The following CABLES1 variants were observed in gnomAD, a reference collection of about 807,000 sequenced individuals.
The protein encoded by CABLES1 is CDK5 and ABL1 enzyme substrate 1.
CABLES1 carries 36 observed loss-of-function variants against 57.8 expected under a neutral mutation model. That is an observed-to-expected ratio of 0.62 (90% CI 0.48 to 0.82). The LOEUF is 0.82. CABLES1 is among the 40% of genes least tolerant of loss of function. The probability of loss-of-function intolerance (pLI) is 0.00; values close to 1 mark genes in which losing one functional copy is unlikely to be tolerated. For missense variants in CABLES1, 767 were observed against 836.6 expected (o/e 0.92, Z 1.03); for synonymous variants, 374 against 363.0 (o/e 1.03, Z -0.35).
At chr18:23,190,146 A>C (rs1300942456) in intron 2 of CABLES1, among the ~76,000 whole-genome samples, 1 of 152,226 alleles carries the variant, frequency 6.6e-6, no homozygotes, top group East Asian at 1.9e-4. Context: ...GGAGTCATAC[A>C]GAAAGCTACG....
chr18:23,207,264 G>A (rs2047370788), intron 3 of CABLES1, among the ~76,000 whole-genome samples: 1 of 152,212 alleles, frequency 6.6e-6, no homozygotes, highest in Admixed American at 6.5e-5. Context: ...GTGAGTCAGG[G>A]GTGTTGGTCA....
intron 7 of CABLES1, among the ~76,000 whole-genome samples, chr18:23,248,533 TTTTTTAA>T (rs1463909083): frequency 7.3e-6 from 1 of 137,110 alleles, no homozygotes; most frequent in African/African-American, 2.7e-5. Context: ...TTTTTTTTTT[TTTTTTAA>T]AAAAAGGCTG....
rs115657779 is a variant in CABLES1 at position 23,246,683 on chromosome 18, A to G, written c.1447-6277A>G. ...TGGGATTATATGCTTGAGCCACCGC[A>G]CCCGGCCAGTTTTTTCGTTTTTGTT... is the stretch of plus-strand genomic sequence containing the variant. On this transcript the variant is annotated intron_variant, in intron 7 of 9. Transcript: ENST00000256925. Among the ~76,000 whole-genome samples, 1,041 of 151,284 alleles carry G rather than the reference A, an allele frequency of 6.9e-3. 23 individuals are homozygous for G. The highest frequency in any genetic ancestry group is 0.06 in the South Asian group (288 of 4,786).
At chr18:23,202,213 T>A (rs1337892625) in intron 3 of CABLES1, among the ~76,000 whole-genome samples, 1 of 152,170 alleles carries the variant, frequency 6.6e-6, no homozygotes, top group African/African-American at 2.4e-5. Context: ...AAGTCAGGGG[T>A]GGGCATTGCG....
chr18:23,174,254 T>A (rs778344969), intron 1 of CABLES1, among the ~76,000 whole-genome samples: 41 of 152,232 alleles, frequency 2.7e-4, no homozygotes, highest in Non-Finnish European at 4.8e-4. Flanking sequence ...CATAATGTTT[T>A]CAAGGTTCAT....
intron 7 of CABLES1, among the ~76,000 whole-genome samples, chr18:23,249,301 T>C (rs2047980796): frequency 6.6e-6 from 1 of 152,114 alleles, no homozygotes; most frequent in Admixed American, 6.5e-5. Context: ...GGAGGTTGGA[T>C]GTTCAGATAA....
chr18:23,177,736 C>T (rs2144999918), intron 1 of CABLES1, among the ~76,000 whole-genome samples: 1 of 152,286 alleles, frequency 6.6e-6, no homozygotes, highest in Middle Eastern at 3.4e-3. Flanking sequence ...CATGGCCTGC[C>T]TGCTCCCTCT....
intron 7 of CABLES1, among the ~76,000 whole-genome samples, chr18:23,239,140 G>A (rs975872743): frequency 2.0e-5 from 3 of 152,230 alleles, no homozygotes; most frequent in African/African-American, 4.8e-5. Context: ...CGCAGTATGT[G>A]TGTATGTGCG....
In CABLES1 at chr18:23,234,641, T is replaced by G; in HGVS notation, c.1122T>G (p.Thr374=). Residue 374 remains threonine, a synonymous_variant, in exon 5 of 10, where the codon ACT becomes ACG. Coordinates refer to ENST00000256925, the MANE Select transcript of CABLES1 (RefSeq NM_001100619.3). Reference sequence around the variant, plus strand: ...AGTTGGACGGAGGAAGACAATCAACTGGTGCAGTGAGTTTGAAAGAGATCA... The same window carrying G: ...AGTTGGACGGAGGAAGACAATCAACGGGTGCAGTGAGTTTGAAAGAGATCA... ...DLKLDGGRQS[T]GAVSLKEIIG... 6.2e-7 allele frequency: 1 copy of G among 1,613,940 alleles called. No homozygotes were observed. The highest frequency in any genetic ancestry group is 1.1e-5 in the South Asian group (1 of 91,072).
At chr18:23,225,682 C>T (rs1188644651) in intron 4 of CABLES1, among the ~76,000 whole-genome samples, 3 of 152,190 alleles carry the variant, frequency 2.0e-5, no homozygotes, top group Admixed American at 6.5e-5. Flanking sequence ...GCTCCTTTTT[C>T]CTCAACTAAC....
chr18:23,226,911 G>A (rs1003964460), intron 4 of CABLES1: 3 of 152,174 alleles, frequency 2.0e-5, no homozygotes, highest in Non-Finnish European at 2.9e-5. Flanking sequence ...TGTGATGTGT[G>A]TGTAGGTTCA....
intron 7 of CABLES1, among the ~76,000 whole-genome samples, chr18:23,241,047 C>T (rs1007031389): frequency 1.3e-5 from 2 of 152,222 alleles, no homozygotes; most frequent in Non-Finnish European, 2.9e-5. Flanking sequence ...CCATTCTTCC[C>T]ATCCCCTTCC....
intron 7 of CABLES1, among the ~76,000 whole-genome samples, chr18:23,248,832 AAAG>A (rs1313239079): frequency 4.6e-5 from 7 of 152,212 alleles, no homozygotes; most frequent in African/African-American, 7.2e-5. Flanking sequence ...TCTCAACAAA[AAAG>A]AAGAAGAAAG....
chr18:23,253,953 C>T lies in CABLES1; in HGVS notation c.1761+17C>T, dbSNP rs760086892. On this transcript the variant is annotated intron_variant, in intron 9 of 9. Coordinates refer to ENST00000256925, the MANE Select transcript of CABLES1 (RefSeq NM_001100619.3). ...TTAATTGACGTAAGTAGCCTTTTTC[C>T]TGGTGGCTGGAGGAGCACATGCTCC... 1.2e-6 allele frequency: 2 copies of T among 1,610,324 alleles called. No homozygotes were observed. The highest frequency in any genetic ancestry group is 3.3e-5 in the Admixed American group (2 of 60,016).
intron 4 of CABLES1, among the ~76,000 whole-genome samples, chr18:23,226,604 A>G (rs774498930): frequency 6.6e-6 from 1 of 152,162 alleles, no homozygotes; most frequent in Non-Finnish European, 1.5e-5. Flanking sequence ...CACTTACTGC[A>G]TCAATGAAAA....
intron 1 of CABLES1, chr18:23,155,971 G>T (rs749307141): frequency 2.5e-6 from 4 of 1,614,048 alleles, no homozygotes; most frequent in Admixed American, 1.7e-5. Context: ...TCAGAGGATC[G>T]CCTGGGTGAC....
chr18:23,253,558 A>C (rs574065327), intron 8 of CABLES1, among the ~76,000 whole-genome samples, 171 bp from the exon 9 acceptor site: 1 of 152,334 alleles, frequency 6.6e-6, no homozygotes, highest in South Asian at 2.1e-4. Flanking sequence ...CAGCTATGTA[A>C]ATCTGCTCCC....
At chr18:23,220,241 A>C (rs1260131313) in intron 4 of CABLES1, among the ~76,000 whole-genome samples, 1 of 152,200 alleles carries the variant, frequency 6.6e-6, no homozygotes, top group East Asian at 1.9e-4. Flanking sequence ...GGTGCAGTCA[A>C]GCATGTGTGT....
intron 1 of CABLES1, among the ~76,000 whole-genome samples, chr18:23,176,508 G>A (rs1568054593): frequency 1.3e-5 from 2 of 152,120 alleles, no homozygotes; most frequent in East Asian, 3.9e-4. Context: ...CCTGCCTTAT[G>A]CCATAAACCC....
Sources: allele counts gnomAD v4.1 joint callset (sites outside exome capture counted in the v4.1 genomes callset), GRCh38; gene constraint gnomAD v4.1.1; transcripts MANE v1.5; gene names NCBI Gene and HGNC (gene_info 2026-07-23, HGNC 2026-07-21).